The following DCC variants were observed in gnomAD, a reference collection of about 807,000 sequenced individuals.
DCC encodes the protein DCC netrin 1 receptor.
Under a neutral mutation model 172.5 loss-of-function variants are expected in DCC, and 58 were observed. That is an observed-to-expected ratio of 0.34 (90% confidence interval 0.27 to 0.42). DCC has a LOEUF of 0.42. DCC is among the 10% of genes least tolerant of loss of function. DCC has a pLI of 1.00. For synonymous variants in DCC, 709 were observed against 644.5 expected, an observed-to-expected ratio of 1.10 and a Z score of -1.52; for missense variants, 1,740 against 1,791.0, an observed-to-expected ratio of 0.97 and a Z score of 0.51.
intron 1 of DCC, among the ~76,000 whole-genome samples, chr18:52,635,806 A>T (rs2034766285): frequency 7.5e-6 from 1 of 133,454 alleles, no homozygotes; most frequent in Non-Finnish European, 1.7e-5. Context: ...ATTCATAACT[A>T]GAATTAAACT....
At chr18:52,863,922 T>G (rs189208325) in intron 2 of DCC, among the ~76,000 whole-genome samples, 139 of 152,222 alleles carry the variant, frequency 9.1e-4, no homozygotes, top group African/African-American at 3.0e-3. Context: ...TTTATTAAGC[T>G]AACAATATTA....
At chr18:52,399,255 A>C (rs1334168438) in intron 1 of DCC, among the ~76,000 whole-genome samples, 1 of 151,946 alleles carries the variant, frequency 6.6e-6, no homozygotes, top group Non-Finnish European at 1.5e-5. Context: ...GTTGAGTATC[A>C]GGGACAGCTT....
At chr18:53,018,181 G>A (rs571758220) in intron 5 of DCC, among the ~76,000 whole-genome samples, 1 of 152,078 alleles carries the variant, frequency 6.6e-6, no homozygotes, top group Admixed American at 6.5e-5. Flanking sequence ...ATAATAAGAA[G>A]TTACAAAAGA....
intron 5 of DCC, among the ~76,000 whole-genome samples, chr18:53,001,160 A>T (rs756204114): frequency 2.5e-4 from 38 of 152,090 alleles, no homozygotes; most frequent in Non-Finnish European, 4.6e-4. Context: ...TTGACTGATT[A>T]ATCACGCTTT....
At chr18:52,780,765 G>GGGGAGAA (rs564917623) in intron 2 of DCC, among the ~76,000 whole-genome samples, 2 of 152,098 alleles carry the variant, frequency 1.3e-5, no homozygotes, top group Admixed American at 6.5e-5. Context: ...AAGGTCTTCA[G>GGGGAGAA]GGGAGAAGGG....
At chr18:52,953,664 C>T (rs2040694309) in intron 5 of DCC, among the ~76,000 whole-genome samples, 2 of 152,196 alleles carry the variant, frequency 1.3e-5, no homozygotes, top group Non-Finnish European at 2.9e-5. Context: ...AGAAAGCTTC[C>T]TGCCAGGCGG....
chr18:53,503,981 A>C (rs969901325), intron 27 of DCC, among the ~76,000 whole-genome samples: 1 of 152,184 alleles, frequency 6.6e-6, no homozygotes, highest in African/African-American at 2.4e-5. Flanking sequence ...TGTACTGCGA[A>C]ATTGAGTTTG....
intron 14 of DCC, among the ~76,000 whole-genome samples, chr18:53,334,070 C>A (rs955833277): frequency 6.6e-6 from 1 of 152,170 alleles, no homozygotes; most frequent in African/African-American, 2.4e-5. Flanking sequence ...TACTCTATAG[C>A]TCTGTTAACT....
At chr18:53,454,648 T>C (rs913969360) in intron 23 of DCC, among the ~76,000 whole-genome samples, 24 of 152,202 alleles carry the variant, frequency 1.6e-4, no homozygotes, top group African/African-American at 5.8e-4. Context: ...TGGCTGGGCC[T>C]TCTATTTGAC....
chr18:52,390,816 G>A (rs532573873), intron 1 of DCC, among the ~76,000 whole-genome samples: 16 of 152,062 alleles, frequency 1.1e-4, no homozygotes, highest in Non-Finnish European at 2.2e-4. Context: ...AGATCACTAA[G>A]TCAGAAATTG....
intron 2 of DCC, among the ~76,000 whole-genome samples, chr18:52,870,557 C>G (rs554939164): frequency 1.3e-5 from 2 of 152,272 alleles, no homozygotes; most frequent in African/African-American, 4.8e-5. Context: ...GGATTCACAA[C>G]TTCCCCAATT....
intron 26 of DCC, among the ~76,000 whole-genome samples, chr18:53,492,960 A>T (rs935229229): frequency 3.9e-5 from 6 of 152,164 alleles, no homozygotes; most frequent in African/African-American, 1.4e-4. Flanking sequence ...TGAGCATGGA[A>T]TATTTTTCCA....
intron 1 of DCC, among the ~76,000 whole-genome samples, chr18:52,407,677 A>T (rs528363603): frequency 2.0e-5 from 3 of 152,096 alleles, no homozygotes; most frequent in South Asian, 2.1e-4. Context: ...TGCATCTTCA[A>T]TATGAAGCTT....
At chr18:53,045,256 C>A (rs1055822348) in intron 5 of DCC, among the ~76,000 whole-genome samples, 1 of 151,806 alleles carries the variant, frequency 6.6e-6, no homozygotes, top group Admixed American at 6.6e-5. Context: ...GCTTTTCTTT[C>A]CAACCCTTTC....
chr18:53,415,785 G>A (rs932904263), intron 20 of DCC, among the ~76,000 whole-genome samples: 2 of 149,814 alleles, frequency 1.3e-5, no homozygotes, highest in African/African-American at 4.9e-5. Flanking sequence ...TATATATATG[G>A]GTGATAATTA....
chr18:52,989,155 A>C (rs1010584908), intron 5 of DCC, among the ~76,000 whole-genome samples: 1 of 152,122 alleles, frequency 6.6e-6, no homozygotes, highest in Non-Finnish European at 1.5e-5. Context: ...CAAAATAATA[A>C]TACTTCAGAT....
chr18:52,504,938 C>A (rs982983), intron 1 of DCC, among the ~76,000 whole-genome samples: 133,737 of 152,122 alleles, frequency 0.88, 59,061 homozygotes, highest in Middle Eastern at 0.95. Context: ...CCTACTGAAT[C>A]TCTCTCAACC....
intron 2 of DCC, among the ~76,000 whole-genome samples, chr18:52,881,557 T>G (rs977987427): frequency 2.0e-5 from 3 of 152,156 alleles, no homozygotes; most frequent in Non-Finnish European, 4.4e-5. Flanking sequence ...TTCATTCTTC[T>G]GCCTATGAAT....
chr18:53,363,156 C>G (rs1047153612), intron 15 of DCC, among the ~76,000 whole-genome samples: 4 of 152,134 alleles, frequency 2.6e-5, no homozygotes, highest in Non-Finnish European at 5.9e-5. Context: ...AAAAGCATTC[C>G]TTACCCACTG....
Sources: gnomAD v4.1 joint callset for allele counts (sites outside exome capture counted in the v4.1 genomes callset) on GRCh38, gnomAD v4.1.1 for gene constraint, MANE v1.5 for transcripts, NCBI Gene and HGNC (gene_info 2026-07-23, HGNC 2026-07-21) for gene names.